EXT1: variants seen among roughly 807,000 people sequenced by gnomAD.
EXT1 encodes the protein exostosin glycosyltransferase 1.
Under a neutral mutation model 82.5 loss-of-function variants are expected in EXT1, and 20 were observed. The observed-to-expected ratio is 0.24, with a 90% confidence interval of 0.17 to 0.35. EXT1 has a LOEUF of 0.35. Among genes scored for constraint, EXT1 ranks in the 10% least tolerant of loss-of-function variants. The pLI is 1.00. For missense variants in EXT1, 757 were observed against 936.5 expected (o/e 0.81, Z 2.50); for synonymous variants, 348 against 350.8 (o/e 0.99, Z 0.09).
At position 117,819,777 on chromosome 8, in the gene EXT1, T is replaced by C. The variant is rs751981937; in HGVS notation, c.1435A>G (p.Lys479Glu). ...ACCGCATGGATGACTGCAGTGAATT[T>C]GGAGGGGGGCTTTAAACCTGAAATA... ...YANLGLKPPSKFTAVIHAVTP... is the reference protein window; with the variant it reads ...YANLGLKPPSEFTAVIHAVTP... The change falls in exon 6 of 11, where the codon AAA (lysine) becomes GAA (glutamate). Residue 479 changes from lysine to glutamate, a missense_variant. Lys to Glu is a moderately conservative substitution (Grantham distance 56). Transcript: ENST00000378204. The C allele has an allele frequency of 1.2e-6, 2 of 1,613,522 alleles. No homozygotes were observed. Among genetic ancestry groups the C allele is most frequent in the South Asian group, 1.1e-5 (1 of 91,048 alleles).
chr8:117,833,501 G>T (rs745811682), intron 3 of EXT1, among the ~76,000 whole-genome samples: 30 of 152,060 alleles, frequency 2.0e-4, no homozygotes, highest in Non-Finnish European at 3.2e-4. Flanking sequence ...TGTAATCCCA[G>T]CTACTCGGGA....
chr8:117,917,287 G>A (rs148483408), intron 1 of EXT1, among the ~76,000 whole-genome samples: 2,104 of 152,122 alleles, frequency 0.014, 21 homozygotes, highest in Non-Finnish European at 0.021. Flanking sequence ...TAGCTTGGCG[G>A]ACATGGCTTA....
chr8:118,040,197 T>G (rs555962908), intron 1 of EXT1, among the ~76,000 whole-genome samples: 1 of 152,152 alleles, frequency 6.6e-6, no homozygotes, highest in Non-Finnish European at 1.5e-5. Context: ...CTGGCCTAAT[T>G]ACCAGTCCGC....
At chr8:117,830,425 G>A (rs2129772799) in intron 3 of EXT1, 76 bp from the exon 4 acceptor site, 1 of 1,547,484 alleles carries the variant, frequency 6.5e-7, no homozygotes, top group East Asian at 2.3e-5. Flanking sequence ...AACCCAACTG[G>A]GTTAGGCTTT....
intron 4 of EXT1, 96 bp downstream of exon 4, chr8:117,830,134 T>C: frequency 6.5e-7 from 1 of 1,542,396 alleles, no homozygotes; most frequent in Middle Eastern, 1.7e-4. Context: ...TTTGCCCCAC[T>C]GGACCAATCA....
At chr8:118,072,447 T>C (rs1817112467) in intron 1 of EXT1, among the ~76,000 whole-genome samples, 1 of 152,224 alleles carries the variant, frequency 6.6e-6, no homozygotes, top group African/African-American at 2.4e-5. Context: ...CCTTACATTG[T>C]TGCCTAATTG....
chr8:117,951,678 G>T (rs1178787990), intron 1 of EXT1, among the ~76,000 whole-genome samples: 2 of 152,164 alleles, frequency 1.3e-5, no homozygotes, highest in African/African-American at 4.8e-5. Flanking sequence ...TCCTCTTTAT[G>T]TAGACCACTT....
chr8:118,088,506 AAGGT>A (rs1259816550), intron 1 of EXT1, among the ~76,000 whole-genome samples: 1 of 151,860 alleles, frequency 6.6e-6, no homozygotes, highest in Non-Finnish European at 1.5e-5. Flanking sequence ...AAAAAAAAAA[AAGGT>A]AGGGGAAGAA....
In EXT1 at chr8:117,897,903, G is replaced by A. The variant is rs28357272; in HGVS notation, c.963-60702C>T. 1.6e-4 allele frequency among the ~76,000 whole-genome samples: 24 copies of A among 152,128 alleles called. No individual in the cohort carries two copies. The East Asian group carries it at 2.5e-3, about 16-fold the overall frequency. ...TAGGCGTGAACCACCGCACCCAGCC[G>A]CCTGGAATTTTTAAGCCTCAAGTTT... On this transcript the variant is annotated intron_variant, in intron 1 of 10. Coordinates refer to ENST00000378204, the MANE Select transcript of EXT1 (RefSeq NM_000127.3).
rs542764870 is a variant in EXT1 at position 117,836,598 on chromosome 8, G to A, written c.1056+510C>T. 5.3e-5 allele frequency among the ~76,000 whole-genome samples: 8 copies of A among 152,328 alleles called. No individual in the cohort carries two copies. The South Asian group carries it at 1.5e-3, about 28-fold the overall frequency. On this transcript the variant is annotated intron_variant, in intron 2 of 10. Transcript: ENST00000378204. ...GACATTTCTGCAGAGTGAGGTTGAT[G>A]AGCTGAGAAACTCCCACCACAAAGG... is the stretch of plus-strand genomic sequence containing the variant.
At chr8:118,035,934 T>C (rs1207913964) in intron 1 of EXT1, among the ~76,000 whole-genome samples, 3 of 152,252 alleles carry the variant, frequency 2.0e-5, no homozygotes, top group Non-Finnish European at 2.9e-5. Flanking sequence ...CCTGCAGAGA[T>C]AATTTACTCA....
At chr8:117,980,894 C>T (rs1054394090) in intron 1 of EXT1, among the ~76,000 whole-genome samples, 2 of 152,100 alleles carry the variant, frequency 1.3e-5, no homozygotes, top group African/African-American at 4.8e-5. Flanking sequence ...AGGGCACCCC[C>T]ATGCAGCGTG....
intron 1 of EXT1, among the ~76,000 whole-genome samples, chr8:117,911,417 T>C (rs1392475266): frequency 1.3e-5 from 2 of 152,180 alleles, no homozygotes; most frequent in African/African-American, 2.4e-5. Context: ...TCATTCTGAA[T>C]GGCCAGTTCC....
intron 4 of EXT1, among the ~76,000 whole-genome samples, chr8:117,825,166 CA>C (rs1811990334): frequency 6.6e-6 from 1 of 152,188 alleles, no homozygotes; most frequent in Admixed American, 6.5e-5. Context: ...GCCACCGCTC[CA>C]GACCAGAATT....
At chr8:118,036,223 A>C (rs2129890351) in intron 1 of EXT1, among the ~76,000 whole-genome samples, 1 of 152,168 alleles carries the variant, frequency 6.6e-6, no homozygotes, top group Admixed American at 6.5e-5. Flanking sequence ...CATGTCCTTA[A>C]CCATATGATC....
At chr8:117,835,397 G>A (rs767098749) in intron 3 of EXT1, 47 bp downstream of exon 3, 2 of 1,386,182 alleles carry the variant, frequency 1.4e-6, no homozygotes, top group African/African-American at 1.4e-5. Context: ...TTGGACGGGG[G>A]CAGCAATAAT....
At chr8:117,961,429 T>C (rs1454667508) in intron 1 of EXT1, among the ~76,000 whole-genome samples, 1 of 152,248 alleles carries the variant, frequency 6.6e-6, no homozygotes, top group South Asian at 2.1e-4. Context: ...ATATTGATCA[T>C]TGGCTTGAAT....
chr8:117,838,583 T>A (rs933375437), intron 1 of EXT1, among the ~76,000 whole-genome samples: 7 of 152,052 alleles, frequency 4.6e-5, no homozygotes, highest in African/African-American at 1.7e-4. Context: ...TTAATTAAAT[T>A]GCAAAATAGA....
At chr8:118,093,752 A>C (rs948514780) in intron 1 of EXT1, among the ~76,000 whole-genome samples, 2 of 152,256 alleles carry the variant, frequency 1.3e-5, no homozygotes, top group Admixed American at 6.5e-5. Flanking sequence ...GAATGCTCCC[A>C]GATCTTCAAA....
Sources: gnomAD v4.1 joint callset for allele counts (sites outside exome capture counted in the v4.1 genomes callset) on GRCh38, gnomAD v4.1.1 for gene constraint, MANE v1.5 for transcripts, NCBI Gene and HGNC (gene_info 2026-07-23, HGNC 2026-07-21) for gene names.